The following RTCB variants were observed in gnomAD, a reference collection of about 807,000 sequenced individuals.
The protein encoded by RTCB is RNA-splicing ligase RTCB.
In RTCB, 32 loss-of-function variants were observed where a neutral mutation model predicts 58.2. The ratio of observed to expected loss-of-function variants is 0.55; its 90% CI spans 0.41 to 0.74. The LOEUF (loss-of-function observed/expected upper bound fraction) is 0.74, where lower values mean the gene tolerates loss of function less well. Ranked by LOEUF, RTCB falls within the 30% of genes least tolerant of loss-of-function variation. The pLI is 0.00. For synonymous variants in RTCB, 247 were observed against 218.6 expected, an observed-to-expected ratio of 1.13 and a Z score of -1.15; for missense variants, 523 against 639.0, an observed-to-expected ratio of 0.82 and a Z score of 1.96.
intron 9 of RTCB, 117 bp from the exon 10 acceptor site, chr22:32,394,119 T>TC (rs1380041616): frequency 1.5e-6 from 1 of 650,368 alleles, no homozygotes; most frequent in African/African-American, 1.9e-5. Context: ...GACTTCTTTT[T>TC]TTTTTTTTTG....
intron 4 of RTCB, among the ~76,000 whole-genome samples, chr22:32,406,184 G>A (rs1385139343): frequency 6.6e-6 from 1 of 152,150 alleles, no homozygotes; most frequent in African/African-American, 2.4e-5. Context: ...TGCTTTGCTT[G>A]AAGTTGTAAT....
At chr22:32,402,933 T>C (rs1447419952) in intron 4 of RTCB, among the ~76,000 whole-genome samples, 2 of 151,968 alleles carry the variant, frequency 1.3e-5, no homozygotes, top group African/African-American at 4.8e-5. Context: ...TGCGTAGGGA[T>C]GGGGTTTCAC....
At chr22:32,408,151 T>C (rs1933459128) in intron 3 of RTCB, 24 bp downstream of exon 3, 6 of 1,603,868 alleles carry the variant, frequency 3.7e-6, no homozygotes, top group South Asian at 1.1e-5. Context: ...ATATAAATGA[T>C]TAAAGTTCTG....
intron 10 of RTCB, among the ~76,000 whole-genome samples, chr22:32,393,027 C>G (rs1323693806): frequency 6.6e-6 from 1 of 152,346 alleles, no homozygotes; most frequent in African/African-American, 2.4e-5. Flanking sequence ...GCCTTAATCT[C>G]CTGGGCTCAA....
intron 3 of RTCB, chr22:32,407,232 A>AT (rs1409584239): frequency 6.3e-6 from 1 of 157,528 alleles, no homozygotes; most frequent in Non-Finnish European, 1.4e-5. Context: ...AAGGACCCTG[A>AT]CCCAGGAAGA....
In RTCB at chr22:32,406,758, A is replaced by T. The variant is rs1440930533; in HGVS notation, c.244T>A (p.Ser82Thr). The change falls in exon 4 of 12, where the codon TCT becomes ACT. Residue 82 changes from serine (S) to threonine (T), a missense_variant. Around this residue, in one of 3 missense-constraint regions of RTCB, gnomAD observed 134 missense variants for 129.9 expected, o/e 1.03. Coordinates refer to ENST00000216038, the MANE Select transcript of RTCB (RefSeq NM_014306.5). ...VAALPGIVHR[S>T]IGLPDVHSGY... ...GAATGGACATCAGGAAGCCCAATAG[A>T]TCGCTGAAAAAGAATTAGAAAATGA... 6.2e-7 allele frequency: 1 copy of T among 1,607,858 alleles called. No individual in the cohort carries two copies. The highest frequency in any genetic ancestry group is 1.3e-5 in the African/African-American group (1 of 74,874).
chr22:32,409,963 G>A (rs1423297161), intron 1 of RTCB, among the ~76,000 whole-genome samples: 2 of 151,920 alleles, frequency 1.3e-5, no homozygotes, highest in Non-Finnish European at 2.9e-5. Context: ...GACTACAGGT[G>A]CCCGCCACCA....
chr22:32,404,424 T>A (rs1343535930), intron 4 of RTCB, among the ~76,000 whole-genome samples: 1 of 152,212 alleles, frequency 6.6e-6, no homozygotes. Context: ...TCCAAATATA[T>A]GGATTTTCTT....
intron 10 of RTCB, 120 bp downstream of exon 10, chr22:32,393,772 G>T: frequency 1.4e-6 from 1 of 714,798 alleles, no homozygotes; most frequent in Non-Finnish European, 2.5e-6. Context: ...TGAAGTACAA[G>T]ACATGATAGG....
At position 32,392,210 on chromosome 22, in the gene RTCB, T is replaced by C. The variant is rs139715698; in HGVS notation, c.1410+30A>G. ...CAAATTACAAATGGGGAACAATAAATATTCATGTATTTATCAAAATTTCAC... is the reference window on the plus strand; with the variant it reads ...CAAATTACAAATGGGGAACAATAAACATTCATGTATTTATCAAAATTTCAC... On this transcript the variant is annotated intron_variant, in intron 11 of 11. Coordinates refer to ENST00000216038, the MANE Select transcript of RTCB (RefSeq NM_014306.5). The C allele has an allele frequency of 8.1e-4, 1,291 of 1,594,126 alleles. 10 individuals are homozygous for C. In the African/African-American group the frequency reaches 0.016, roughly 20 times the overall value.
chr22:32,390,435 CTTTG>C (rs1277857072), intron 11 of RTCB, among the ~76,000 whole-genome samples: 1 of 151,812 alleles, frequency 6.6e-6, no homozygotes, highest in Non-Finnish European at 1.5e-5. Context: ...CTGTTTTCTC[CTTTG>C]TATTTTCCAA....
chr22:32,394,906 C>T, intron 9 of RTCB, 120 bp downstream of exon 9: 1 of 842,142 alleles, frequency 1.2e-6, no homozygotes. Context: ...TCACTGTTCT[C>T]ATGAGTGACA....
At chr22:32,401,090 GTTTTTTTTT>G (rs536914312) in intron 5 of RTCB, among the ~76,000 whole-genome samples, 1 of 136,758 alleles carries the variant, frequency 7.3e-6, no homozygotes, top group African/African-American at 2.7e-5. Context: ...CACCTACTAA[GTTTTTTTTT>G]TTTTTTTTTT....
intron 6 of RTCB, among the ~76,000 whole-genome samples, chr22:32,398,616 T>A (rs2294314): frequency 0.23 from 34,502 of 151,880 alleles, 4,083 homozygotes; most frequent in East Asian, 0.45. Flanking sequence ...GTAAATAAAT[T>A]AATTTTTTAA....
Position 32,401,618 on chromosome 22 carries a change from A to C in RTCB, c.497+129T>G, listed in dbSNP as rs1933337582. 5 of 1,040,846 alleles carry C rather than the reference A, an allele frequency of 4.8e-6. No individual in the cohort carries two copies. The South Asian group carries it at 9.1e-5, about 19-fold the overall frequency. The allele number at this position is 1,040,846 out of a possible 1,614,324, so 64.5% of individuals were successfully genotyped here. A position where few individuals can be genotyped will look rare whatever the true frequency, so the allele number is the denominator to read the frequency against. On this transcript the variant is annotated intron_variant, in intron 5 of 11. Transcript: ENST00000216038. ...GGCTGTACCTCATGCTTAAAAAAACAGTTCTTACTACTTCCTGAAAAGTAA... is the reference window on the plus strand; with the variant it reads ...GGCTGTACCTCATGCTTAAAAAAACCGTTCTTACTACTTCCTGAAAAGTAA...
In RTCB at chr22:32,411,273, A is replaced by G. The variant is rs183332545; in HGVS notation, c.93+791T>C. ...CCTTCAGGGATTTCAAAAACTATTT[A>G]AAAATACGTTGCAAAACTTCATAAA... On this transcript the variant is annotated intron_variant, in intron 1 of 11. Coordinates refer to ENST00000216038, the MANE Select transcript of RTCB (RefSeq NM_014306.5). 1.6e-4 allele frequency among the ~76,000 whole-genome samples: 24 copies of G among 152,358 alleles called. No individual in the cohort carries two copies. In the East Asian group the frequency reaches 2.5e-3, roughly 16 times the overall value.
At chr22:32,409,033 C>T (rs1296260406) in intron 1 of RTCB, among the ~76,000 whole-genome samples, 200 bp from the exon 2 acceptor site, 1 of 152,188 alleles carries the variant, frequency 6.6e-6, no homozygotes, top group African/African-American at 2.4e-5. Flanking sequence ...AAAAATTCTG[C>T]AATGTTCACA....
intron 7 of RTCB, among the ~76,000 whole-genome samples, chr22:32,396,832 G>A (rs936335314): frequency 6.6e-6 from 1 of 152,164 alleles, no homozygotes; most frequent in African/African-American, 2.4e-5. Flanking sequence ...CGCTGTTGGA[G>A]GCCGAAAGAA....
chr22:32,397,813 T>C (rs1933270827), intron 7 of RTCB, 128 bp downstream of exon 7: 9 of 759,328 alleles, frequency 1.2e-5, no homozygotes, highest in Non-Finnish European at 1.8e-5. Flanking sequence ...CCCAGTGAAT[T>C]TGTCCAAGTT....
Sources: gnomAD v4.1 joint callset for allele counts (sites outside exome capture counted in the v4.1 genomes callset) on GRCh38, gnomAD v4.1.1 for gene constraint, gnomAD v4.1.1 regional missense constraint, MANE v1.5 for transcripts, NCBI Gene and HGNC (gene_info 2026-07-23, HGNC 2026-07-21) for gene names.